PLPP4: variants seen among roughly 807,000 people sequenced by gnomAD.
The protein encoded by PLPP4 is diacylglycerol pyrophosphate like 2.
A neutral mutation model predicts 32.2 loss-of-function variants in PLPP4; 20 were observed. The ratio of observed to expected loss-of-function variants is 0.62; its 90% CI spans 0.44 to 0.90. The LOEUF is 0.90. Among genes scored for constraint, PLPP4 ranks in the 40% least tolerant of loss-of-function variants. The pLI, the probability that PLPP4 is intolerant of heterozygous loss-of-function variation, is 0.00. For synonymous variants in PLPP4, 127 were observed against 133.0 expected (o/e 0.95, Z 0.31); for missense variants, 257 against 353.1 (o/e 0.73, Z 2.18).
In PLPP4 at chr10:120,564,419, A is replaced by G. The variant is rs549660708; in HGVS notation, c.446-10712A>G. Among the ~76,000 whole-genome samples, 19 of 152,026 alleles carry G rather than the reference A, an allele frequency of 1.2e-4. 1 individual carries two copies. In the South Asian group the frequency reaches 4.0e-3, roughly 32 times the overall value. On this transcript the variant is annotated intron_variant, in intron 5 of 6. Coordinates refer to ENST00000398250, the MANE Select transcript of PLPP4 (RefSeq NM_001030059.3). Reference sequence around the variant, plus strand: ...TTTATAAATATTCTATATGACTTTAAAAGAACGTGAATTTTAAAATTGTTG... The same window carrying G: ...TTTATAAATATTCTATATGACTTTAGAAGAACGTGAATTTTAAAATTGTTG...
At chr10:120,519,952 G>A (rs537267338) in intron 4 of PLPP4, among the ~76,000 whole-genome samples, 6 of 152,204 alleles carry the variant, frequency 3.9e-5, no homozygotes, top group African/African-American at 7.2e-5. Flanking sequence ...AGATCCAGGC[G>A]CTGGTGTTCA....
At chr10:120,496,555 T>C (rs1000136174) in intron 1 of PLPP4, among the ~76,000 whole-genome samples, 1 of 152,194 alleles carries the variant, frequency 6.6e-6, no homozygotes, top group African/African-American at 2.4e-5. Flanking sequence ...GGCAAGCTCA[T>C]GTGTTCTGAT....
chr10:120,520,366 G>A (rs765736052), intron 4 of PLPP4, among the ~76,000 whole-genome samples: 2 of 152,158 alleles, frequency 1.3e-5, no homozygotes, highest in Non-Finnish European at 2.9e-5. Context: ...ATACGGACAC[G>A]AGGAGCCTGG....
intron 5 of PLPP4, among the ~76,000 whole-genome samples, chr10:120,574,168 A>ACACACTCT (rs1849090021): frequency 4.2e-5 from 2 of 47,120 alleles, no homozygotes; most frequent in African/African-American, 1.7e-4. Flanking sequence ...ACACACACAC[A>ACACACTCT]CTCTCTCTCT....
intron 6 of PLPP4, among the ~76,000 whole-genome samples, chr10:120,584,231 G>C (rs981403189): frequency 2.0e-5 from 3 of 152,166 alleles, no homozygotes; most frequent in African/African-American, 7.2e-5. Context: ...GTCTTAGCCT[G>C]AGGGTCATGT....
At chr10:120,538,098 A>C (rs903903593) in intron 5 of PLPP4, among the ~76,000 whole-genome samples, 2 of 83,030 alleles carry the variant, frequency 2.4e-5, no homozygotes, top group African/African-American at 9.8e-5. Flanking sequence ...TCAGATTCAT[A>C]TCTAGTATGC....
chr10:120,503,938 GA>G lies in PLPP4; in HGVS notation c.165+13del. 6.6e-7 allele frequency: 1 copy of G among 1,526,046 alleles called. No individual in the cohort carries two copies. The highest frequency in any genetic ancestry group is 9.1e-7 in the Non-Finnish European group (1 of 1,100,946). 94.5% of individuals were successfully genotyped at this position (1,526,046 alleles called of 1,614,324 possible). A position where few individuals can be genotyped will look rare whatever the true frequency, so the allele number is the denominator to read the frequency against. Reference sequence around the variant, plus strand: ...CCCGCCTCATGTTTGTAAGTACCATGATTTCATTCCTTATTTGACTGCTCTC... The same window carrying G: ...CCCGCCTCATGTTTGTAAGTACCATGTTTCATTCCTTATTTGACTGCTCTC... On this transcript the variant is annotated intron_variant, in intron 2 of 6. Coordinates refer to ENST00000398250, the MANE Select transcript of PLPP4 (RefSeq NM_001030059.3).
chr10:120,541,234 A>G (rs1286550043), intron 5 of PLPP4, among the ~76,000 whole-genome samples: 3 of 152,186 alleles, frequency 2.0e-5, no homozygotes, highest in African/African-American at 7.2e-5. Context: ...TAATAATGCA[A>G]TATTGGGCAA....
chr10:120,579,932 C>A (rs1220109545), intron 6 of PLPP4, among the ~76,000 whole-genome samples: 23 of 146,710 alleles, frequency 1.6e-4, no homozygotes, highest in Admixed American at 2.8e-4. Context: ...ATGGTGAAAC[C>A]CCGTCTCTAC....
At chr10:120,499,613 G>T (rs1845143727) in intron 1 of PLPP4, among the ~76,000 whole-genome samples, 1 of 152,120 alleles carries the variant, frequency 6.6e-6, no homozygotes. Flanking sequence ...CTGGCCCCTT[G>T]TGACTCAAGG....
At chr10:120,531,634 A>G (rs1405438385) in intron 5 of PLPP4, among the ~76,000 whole-genome samples, 1 of 151,822 alleles carries the variant, frequency 6.6e-6, no homozygotes, top group Non-Finnish European at 1.5e-5. Flanking sequence ...TTTGAAGTTC[A>G]TTTTTTTCAT....
rs547749634 is a variant in PLPP4, at chr10:120,588,631, G to C, written c.617-672G>C. ...CTTACTAAAGAAAAAAAAAATTACA[G>C]CTCCCAAGATATTTAGATCCTACAG... On this transcript the variant is annotated intron_variant, in intron 6 of 6. Transcript: ENST00000398250. 1.6e-4 allele frequency among the ~76,000 whole-genome samples: 24 copies of C among 152,242 alleles called. No individual in the cohort carries two copies. In the South Asian group the frequency reaches 4.8e-3, roughly 30 times the overall value.
intron 1 of PLPP4, among the ~76,000 whole-genome samples, chr10:120,500,833 G>A (rs1275200365): frequency 1.3e-5 from 2 of 152,110 alleles, no homozygotes; most frequent in Non-Finnish European, 2.9e-5. Context: ...CAAGATCATT[G>A]ACCAGTTAGG....
chr10:120,560,256 C>T (rs1848361668), intron 5 of PLPP4, among the ~76,000 whole-genome samples: 1 of 148,918 alleles, frequency 6.7e-6, no homozygotes, highest in African/African-American at 2.5e-5. Context: ...ACTGACTATG[C>T]ACTATAGGTT....
In PLPP4 at chr10:120,552,605, A is replaced by G. The variant is rs1847962793; in HGVS notation, c.446-22526A>G. 1.3e-5 allele frequency among the ~76,000 whole-genome samples: 2 copies of G among 152,218 alleles called. 1 individual carries two copies. The highest frequency in any genetic ancestry group is 4.8e-5 in the African/African-American group (2 of 41,454). ...ACATACTTTTGTGCTCATTCCCAGGAAAGCAATCTGGCTGGTGGGTGAGAA... is the reference window on the plus strand; with the variant it reads ...ACATACTTTTGTGCTCATTCCCAGGGAAGCAATCTGGCTGGTGGGTGAGAA... On this transcript the variant is annotated intron_variant, in intron 5 of 6. Transcript: ENST00000398250.
At chr10:120,566,603 T>TGC (rs1469739133) in intron 5 of PLPP4, among the ~76,000 whole-genome samples, 1 of 150,630 alleles carries the variant, frequency 6.6e-6, no homozygotes, top group Non-Finnish European at 1.5e-5. Context: ...AGTGCAATGG[T>TGC]GCAGTCTCAG....
intron 5 of PLPP4, among the ~76,000 whole-genome samples, chr10:120,538,876 G>A (rs1435550619): frequency 6.6e-6 from 1 of 152,156 alleles, no homozygotes; most frequent in African/African-American, 2.4e-5. Context: ...GAGGGCAATA[G>A]TTTGTCTCAA....
chr10:120,586,399 C>T (rs530217559), intron 6 of PLPP4, among the ~76,000 whole-genome samples: 1 of 151,662 alleles, frequency 6.6e-6, no homozygotes, highest in Non-Finnish European at 1.5e-5. Flanking sequence ...CCTCCTTGGT[C>T]TCACAAAGTG....
chr10:120,577,535 T>C (rs1220624438), intron 6 of PLPP4, among the ~76,000 whole-genome samples: 1 of 152,212 alleles, frequency 6.6e-6, no homozygotes, highest in Non-Finnish European at 1.5e-5. Flanking sequence ...TTTGAAACCG[T>C]ACTATCCAAC....
Sources: allele counts gnomAD v4.1 joint callset (sites outside exome capture counted in the v4.1 genomes callset), GRCh38; gene constraint gnomAD v4.1.1; transcripts MANE v1.5; gene names NCBI Gene and HGNC (gene_info 2026-07-23, HGNC 2026-07-21).